The following KDM5A variants were observed in gnomAD, a reference collection of about 807,000 sequenced individuals.
KDM5A encodes the protein lysine demethylase 5A.
In KDM5A, 42 loss-of-function variants were observed where a neutral mutation model predicts 193.5. The observed-to-expected ratio is 0.22, with a 90% CI of 0.17 to 0.28. KDM5A has a LOEUF of 0.28. Among genes scored for constraint, KDM5A ranks in the 10% least tolerant of loss-of-function variants. The pLI, the probability that KDM5A is intolerant of heterozygous loss-of-function variation, is 1.00. For missense variants in KDM5A, 1,692 were observed against 2,055.1 expected (o/e 0.82, Z 3.42); for synonymous variants, 796 against 718.1 (o/e 1.11, Z -1.73).
intron 5 of KDM5A, among the ~76,000 whole-genome samples, chr12:360,558 G>A (rs931130933): frequency 6.6e-6 from 1 of 152,152 alleles, no homozygotes; most frequent in Non-Finnish European, 1.5e-5. Flanking sequence ...GATCAATTAA[G>A]ATATGAAATG....
rs770899603 is a variant in KDM5A, at chr12:309,748, C to T, written c.3378+55G>A. The T allele has an allele frequency of 3.2e-6, 5 of 1,573,118 alleles. No homozygotes were observed. The Admixed American group carries it at 5.0e-5, about 16-fold the overall frequency. On this transcript the variant is annotated intron_variant, in intron 22 of 27. Coordinates refer to ENST00000399788, the MANE Select transcript of KDM5A (RefSeq NM_001042603.3). ...ATAAAAACTGTGAGTCTGCTAATAT[C>T]TCTACAGAGTTTTGTATTCACCAAG...
intron 17 of KDM5A, 74 bp downstream of exon 17, chr12:322,343 G>T: frequency 2.1e-6 from 3 of 1,399,530 alleles, no homozygotes; most frequent in Non-Finnish European, 2.0e-6. Flanking sequence ...GGCTTCACAG[G>T]CCGGATAAAA....
chr12:334,926 G>C (rs1019910296), intron 10 of KDM5A, among the ~76,000 whole-genome samples: 3 of 150,228 alleles, frequency 2.0e-5, no homozygotes, highest in Non-Finnish European at 3.0e-5. Context: ...AGAAATACCG[G>C]ATAAATTATA....
intron 27 of KDM5A, among the ~76,000 whole-genome samples, chr12:287,995 C>A (rs895313679): frequency 6.6e-6 from 1 of 152,262 alleles, no homozygotes; most frequent in South Asian, 2.1e-4. Context: ...GAGTATATAA[C>A]CTTCCTTGAG....
intron 3 of KDM5A, among the ~76,000 whole-genome samples, chr12:376,942 G>A (rs1944512844): frequency 6.6e-6 from 1 of 152,078 alleles, no homozygotes; most frequent in Admixed American, 6.6e-5. Context: ...AAGTTTAAGT[G>A]CCTTACAACA....
At chr12:357,282 T>C (rs1342938289) in intron 5 of KDM5A, among the ~76,000 whole-genome samples, 3 of 148,424 alleles carry the variant, frequency 2.0e-5, no homozygotes, top group Non-Finnish European at 4.5e-5. Context: ...CCTGAATCAA[T>C]CCATCAATGG....
intron 1 of KDM5A, chr12:388,359 T>C (rs1944673632): frequency 2.2e-6 from 1 of 450,524 alleles, no homozygotes; most frequent in Admixed American, 2.5e-5. Flanking sequence ...ACCTCCACTA[T>C]AAACCAATTT....
At position 307,311 on chromosome 12, in the gene KDM5A, G is replaced by C; in HGVS notation, c.3930+143C>G. 4 of 1,021,362 alleles carry C rather than the reference G, an allele frequency of 3.9e-6. No individual in the cohort carries two copies. 63.3% of individuals were successfully genotyped at this position (1,021,362 alleles called of 1,614,324 possible). A position where few individuals can be genotyped will look rare whatever the true frequency, so the allele number is the denominator to read the frequency against. On this transcript the variant is annotated intron_variant, in intron 23 of 27. Coordinates refer to ENST00000399788, the MANE Select transcript of KDM5A (RefSeq NM_001042603.3). This position sits in a 1 kb window ranked among gnomAD's most constrained non-coding sequence, Gnocchi z 4.3. ...GTACGTATCCAAAAAAAGTGCTATA[G>C]TGTATGTTGAAGGAGAATGCAATGG...
At chr12:361,423 T>C (rs1262061253) in intron 5 of KDM5A, among the ~76,000 whole-genome samples, 7 of 152,172 alleles carry the variant, frequency 4.6e-5, no homozygotes. Flanking sequence ...CTTGATCTCC[T>C]GAACTCGTGA....
rs757454549 is a variant in KDM5A at position 386,007 on chromosome 12, T to C, written c.166-33A>G. On this transcript the variant is annotated intron_variant, in intron 1 of 27. Coordinates refer to ENST00000399788, the MANE Select transcript of KDM5A (RefSeq NM_001042603.3). ...GAAAGATTTTTTTAAAAAAACACAGTGGTATGTAAACAAGGAATGCATTAA... is the reference window on the plus strand; with the variant it reads ...GAAAGATTTTTTTAAAAAAACACAGCGGTATGTAAACAAGGAATGCATTAA... The C allele has an allele frequency of 1.4e-5, 22 of 1,536,538 alleles. No individual in the cohort carries two copies. In the African/African-American group the frequency reaches 2.0e-4, roughly 14 times the overall value.
chr12:311,136 T>C (rs1261386827), intron 20 of KDM5A, 72 bp from the exon 21 acceptor site: 1 of 1,348,370 alleles, frequency 7.4e-7, no homozygotes, highest in African/African-American at 1.4e-5. Context: ...TTGAAAGACC[T>C]TACAAAGTTT....
intron 24 of KDM5A, among the ~76,000 whole-genome samples, chr12:299,672 T>C (rs550895266): frequency 6.6e-6 from 1 of 152,242 alleles, no homozygotes; most frequent in Admixed American, 6.5e-5. Context: ...AACATCATAA[T>C]GACAGGATCA....
intron 27 of KDM5A, chr12:286,221 G>A (rs778103704): frequency 2.0e-6 from 1 of 495,840 alleles, no homozygotes; most frequent in Non-Finnish European, 4.2e-6. Flanking sequence ...TAAAAAGTTA[G>A]CAAATATCAG....
chr12:331,106 G>A (rs973218963), intron 13 of KDM5A, among the ~76,000 whole-genome samples: 1 of 151,370 alleles, frequency 6.6e-6, no homozygotes, highest in African/African-American at 2.4e-5. Context: ...AACATAAAAT[G>A]ACAAGACTAG....
Position 282,691 on chromosome 12 carries a change from AATG to A in KDM5A, c.*2762_*2764del. 1 of 232,940 alleles carries A rather than the reference AATG, an allele frequency of 4.3e-6. No individual in the cohort carries two copies. The highest frequency in any genetic ancestry group is 8.5e-6 in the Non-Finnish European group (1 of 117,856). 14.4% of individuals were successfully genotyped at this position (232,940 alleles called of 1,614,324 possible). A position where few individuals can be genotyped will look rare whatever the true frequency, so the allele number is the denominator to read the frequency against. On this transcript the variant is annotated 3_prime_UTR_variant, in exon 28 of 28. Coordinates refer to ENST00000399788, the MANE Select transcript of KDM5A (RefSeq NM_001042603.3). ...TAACCTTTGCCAGAGTTAAAATACTAATGATGAAGAATTGCAACTTCAGTTGCA... is the reference window on the plus strand; with the variant it reads ...TAACCTTTGCCAGAGTTAAAATACTAATGAAGAATTGCAACTTCAGTTGCA...
intron 10 of KDM5A, among the ~76,000 whole-genome samples, chr12:348,875 T>C (rs1944113455): frequency 6.6e-6 from 1 of 151,468 alleles, no homozygotes. Context: ...ACCTGCATGT[T>C]GTGCACATGT....
At chr12:375,853 C>A (rs1021208322) in intron 3 of KDM5A, among the ~76,000 whole-genome samples, 27 of 152,290 alleles carry the variant, frequency 1.8e-4, no homozygotes, top group Admixed American at 3.3e-4. Context: ...CACTCCAGAC[C>A]CTGTTTGCCT....
At position 355,278 on chromosome 12, in the gene KDM5A, T is replaced by C. The variant is rs777115260; in HGVS notation, c.779-29A>G. The C allele has an allele frequency of 1.3e-5, 16 of 1,264,256 alleles. 1 individual carries two copies. In the South Asian group the frequency reaches 1.9e-4, roughly 15 times the overall value. 78.3% of individuals were successfully genotyped at this position (1,264,256 alleles called of 1,614,324 possible). A position where few individuals can be genotyped will look rare whatever the true frequency, so the allele number is the denominator to read the frequency against. On this transcript the variant is annotated intron_variant, in intron 6 of 27. Transcript: ENST00000399788. Reference sequence around the variant, plus strand: ...GAAATAAAAAGTTACACAATAATAGTAAAAACCAATGTTGAGAGCTTACTA... The same window carrying C: ...GAAATAAAAAGTTACACAATAATAGCAAAAACCAATGTTGAGAGCTTACTA...
chr12:378,902 T>C (rs976539612), intron 3 of KDM5A, among the ~76,000 whole-genome samples: 30 of 144,578 alleles, frequency 2.1e-4, no homozygotes, highest in Non-Finnish European at 3.9e-4. Context: ...GAGCTTAGAG[T>C]GAGCCAAAAT....
Sources: gnomAD v4.1 joint callset for allele counts (sites outside exome capture counted in the v4.1 genomes callset) on GRCh38, gnomAD v4.1.1 for gene constraint, Gnocchi (gnomAD v3.1) non-coding constraint, MANE v1.5 for transcripts, NCBI Gene and HGNC (gene_info 2026-07-23, HGNC 2026-07-21) for gene names.